RIT2: variants seen among roughly 807,000 people sequenced by gnomAD.
The protein encoded by RIT2 is GTP-binding protein Rit2.
In RIT2, 24 loss-of-function variants were observed where a neutral mutation model predicts 23.7. The ratio of observed to expected loss-of-function variants is 1.01; its 90% CI spans 0.73 to 1.43. The LOEUF (loss-of-function observed/expected upper bound fraction) is 1.43, where lower values mean the gene tolerates loss of function less well. Ranked by LOEUF, RIT2 falls within the 40% of genes most tolerant of loss-of-function variation. The pLI is 0.00. For synonymous variants in RIT2, 107 were observed against 91.1 expected, an observed-to-expected ratio of 1.17 and a Z score of -0.99; for missense variants, 236 against 266.9, an observed-to-expected ratio of 0.88 and a Z score of 0.81.
At chr18:43,042,626 T>TA (rs1318877126) in intron 1 of RIT2, among the ~76,000 whole-genome samples, 5 of 152,220 alleles carry the variant, frequency 3.3e-5, no homozygotes, top group Admixed American at 6.5e-5. Context: ...TGGAACTCCC[T>TA]ATGTTCCCTT....
At chr18:43,037,012 C>T (rs963467531) in intron 1 of RIT2, among the ~76,000 whole-genome samples, 3 of 152,112 alleles carry the variant, frequency 2.0e-5, no homozygotes, top group Admixed American at 6.5e-5. Context: ...TCTATTATTC[C>T]TTGCTAAAGA....
chr18:43,113,713 G>T (rs1325581230), intron 1 of RIT2, among the ~76,000 whole-genome samples: 1 of 152,104 alleles, frequency 6.6e-6, no homozygotes, highest in Non-Finnish European at 1.5e-5. Flanking sequence ...GGAATAAATT[G>T]AAGTAGGCTA....
intron 1 of RIT2, among the ~76,000 whole-genome samples, chr18:43,114,200 T>G (rs945575907): frequency 6.6e-6 from 1 of 152,198 alleles, no homozygotes. Flanking sequence ...GATATGCATT[T>G]TGCTACTGAC....
Position 43,049,895 on chromosome 18 carries a change from T to C in RIT2, c.104-16028A>G, listed in dbSNP as rs544299484. On this transcript the variant is annotated intron_variant, in intron 1 of 4. Transcript: ENST00000326695. Reference sequence around the variant, plus strand: ...AGGCTGGAGAGAAAATCTAAAGTCATATCACCAAGGGCCCATTGTATCATT... The same window carrying C: ...AGGCTGGAGAGAAAATCTAAAGTCACATCACCAAGGGCCCATTGTATCATT... Among the ~76,000 whole-genome samples, 10 of 149,392 alleles carry C rather than the reference T, an allele frequency of 6.7e-5. No individual in the cohort carries two copies. The South Asian group carries it at 2.1e-3, about 32-fold the overall frequency.
At chr18:42,849,626 CA>C in intron 4 of RIT2, among the ~76,000 whole-genome samples, 1 of 152,158 alleles carries the variant, frequency 6.6e-6, no homozygotes. Context: ...ACGTTATCTT[CA>C]AGTTTGAGAG....
At chr18:43,030,083 A>C (rs969568641) in intron 2 of RIT2, among the ~76,000 whole-genome samples, 4 of 152,094 alleles carry the variant, frequency 2.6e-5, no homozygotes, top group Non-Finnish European at 2.9e-5. Flanking sequence ...TAGGTCTGGG[A>C]TACACTAGTA....
At chr18:43,047,016 TA>T (rs941407751) in intron 1 of RIT2, among the ~76,000 whole-genome samples, 1 of 151,582 alleles carries the variant, frequency 6.6e-6, no homozygotes, top group Non-Finnish European at 1.5e-5. Flanking sequence ...CCCTTCCAAA[TA>T]AAAAAAAGCT....
intron 4 of RIT2, among the ~76,000 whole-genome samples, chr18:42,747,348 G>C (rs1444987543): frequency 6.6e-6 from 1 of 151,992 alleles, no homozygotes; most frequent in Non-Finnish European, 1.5e-5. Context: ...AACCAAGGAA[G>C]TGAAAGACCT....
chr18:42,990,917 T>TTG (rs1555650896), intron 2 of RIT2, among the ~76,000 whole-genome samples: 3 of 149,938 alleles, frequency 2.0e-5, no homozygotes, highest in African/African-American at 4.9e-5. Flanking sequence ...GTTTTGTTTT[T>TTG]TTTTTTTTTT....
At chr18:42,871,387 T>C (rs1041449283) in intron 4 of RIT2, among the ~76,000 whole-genome samples, 1 of 152,198 alleles carries the variant, frequency 6.6e-6, no homozygotes, top group African/African-American at 2.4e-5. Flanking sequence ...TGTGTGTGTG[T>C]ATACATGCAC....
intron 4 of RIT2, among the ~76,000 whole-genome samples, chr18:42,884,283 G>T (rs892912489): frequency 6.6e-6 from 1 of 152,154 alleles, no homozygotes; most frequent in African/African-American, 2.4e-5. Context: ...AGCCCGGAGG[G>T]TGGAGACTCT....
At chr18:42,923,526 T>A in intron 4 of RIT2, 46 bp downstream of exon 4, 1 of 1,519,546 alleles carries the variant, frequency 6.6e-7, no homozygotes, top group Non-Finnish European at 9.1e-7. Context: ...GTACTATGCA[T>A]CCTCAGAGCA....
chr18:42,939,212 G>T (rs1909534895), intron 3 of RIT2, among the ~76,000 whole-genome samples: 1 of 152,132 alleles, frequency 6.6e-6, no homozygotes, highest in African/African-American at 2.4e-5. Flanking sequence ...TAAGCATGGG[G>T]TTCTCAAGCT....
chr18:42,910,736 C>T (rs930603450), intron 4 of RIT2, among the ~76,000 whole-genome samples: 2 of 152,108 alleles, frequency 1.3e-5, no homozygotes, highest in Non-Finnish European at 2.9e-5. Context: ...ACTCCATCCC[C>T]TTTCCAGTGG....
intron 1 of RIT2, among the ~76,000 whole-genome samples, chr18:43,060,451 A>G (rs554730351): frequency 6.6e-6 from 1 of 152,154 alleles, no homozygotes. Context: ...ATAAAATTGC[A>G]CTTACAGTTA....
At chr18:42,932,740 CCA>C (rs571020179) in intron 3 of RIT2, among the ~76,000 whole-genome samples, 44 of 152,136 alleles carry the variant, frequency 2.9e-4, no homozygotes, top group African/African-American at 1.1e-3. Flanking sequence ...TAAAATACTG[CCA>C]GCTCAGAAAT....
intron 4 of RIT2, among the ~76,000 whole-genome samples, chr18:42,744,859 T>G (rs612939): frequency 0.54 from 82,363 of 152,004 alleles, 25,129 homozygotes; most frequent in Middle Eastern, 0.71. Flanking sequence ...CAGAGCAGGT[T>G]TGACACTCCA....
At chr18:42,886,829 C>T (rs1215149908) in intron 4 of RIT2, among the ~76,000 whole-genome samples, 1 of 152,106 alleles carries the variant, frequency 6.6e-6, no homozygotes, top group East Asian at 1.9e-4. Flanking sequence ...GCCTAGCTGC[C>T]TCCTAAATTC....
At chr18:42,743,852 G>T (rs113880584) in intron 4 of RIT2, 132 bp from the exon 5 acceptor site, 1 of 652,356 alleles carries the variant, frequency 1.5e-6, no homozygotes, top group Non-Finnish European at 2.6e-6. Context: ...GTGACTTGCA[G>T]GTATACGCCC....
Sources: allele counts gnomAD v4.1 joint callset (sites outside exome capture counted in the v4.1 genomes callset), GRCh38; gene constraint gnomAD v4.1.1; transcripts MANE v1.5; gene names NCBI Gene and HGNC (gene_info 2026-07-23, HGNC 2026-07-21).